Variants in WSCD2 observed in about 807,000 individuals in gnomAD.
WSCD2 encodes WSC domain sialate O sulfotransferase 2, also known as sialate:O-sulfotransferase 2.
In WSCD2, 28 loss-of-function variants were observed where a neutral mutation model predicts 55.7. That is an observed-to-expected ratio of 0.50 (90% CI 0.37 to 0.69). The LOEUF (loss-of-function observed/expected upper bound fraction) is 0.69. WSCD2 is among the 30% of genes least tolerant of loss of function. The pLI is 0.00. For missense variants in WSCD2, 616 were observed against 762.1 expected (o/e 0.81, Z 2.26); for synonymous variants, 301 against 301.9 (o/e 1.00, Z 0.03).
Position 108,219,842 on chromosome 12 carries a change from T to A in WSCD2, c.683-4897T>A, listed in dbSNP as rs576513878. ...CAACCCTCCAAGCTCTAGGATTTCA[T>A]GATGGTCCCTCAAATAAGATCCTGG... is the stretch of plus-strand genomic sequence containing the variant. On this transcript the variant is annotated intron_variant, in intron 4 of 8. Transcript: ENST00000547525. Among the ~76,000 whole-genome samples the A allele has an allele frequency of 1.8e-4, 28 of 152,330 alleles. No individual in the cohort carries two copies. In the South Asian group the frequency reaches 5.8e-3, roughly 32 times the overall value.
At chr12:108,151,183 C>T (rs1478151860) in intron 1 of WSCD2, among the ~76,000 whole-genome samples, 1 of 152,142 alleles carries the variant, frequency 6.6e-6, no homozygotes, top group Non-Finnish European at 1.5e-5. Context: ...CTTTCTCATC[C>T]TCAACCCTGT....
chr12:108,228,719 G>T (rs1272000909), intron 6 of WSCD2, among the ~76,000 whole-genome samples: 2 of 152,244 alleles, frequency 1.3e-5, no homozygotes, highest in Non-Finnish European at 2.9e-5. Flanking sequence ...CAAAAGTGCT[G>T]TATGAGCTAG....
chr12:108,137,030 G>A (rs1283479927), intron 1 of WSCD2, among the ~76,000 whole-genome samples: 1 of 152,176 alleles, frequency 6.6e-6, no homozygotes, highest in Non-Finnish European at 1.5e-5. Flanking sequence ...CTCTGGATTT[G>A]CAGGTTCATA....
At chr12:108,132,630 A>G (rs370498874) in intron 1 of WSCD2, among the ~76,000 whole-genome samples, 7 of 145,106 alleles carry the variant, frequency 4.8e-5, no homozygotes, top group Admixed American at 4.2e-4. Flanking sequence ...TATGTGAGTC[A>G]TGTGTGTCTG....
intron 2 of WSCD2, chr12:108,196,946 C>T (rs570078871): frequency 6.6e-6 from 1 of 152,394 alleles, no homozygotes; most frequent in African/African-American, 2.4e-5. Flanking sequence ...GAAGGGAAGA[C>T]ACTTGCCCAA....
At chr12:108,245,110 T>G (rs1044088660) in intron 8 of WSCD2, among the ~76,000 whole-genome samples, 1 of 152,200 alleles carries the variant, frequency 6.6e-6, no homozygotes, top group African/African-American at 2.4e-5. Context: ...GTGGGATTGC[T>G]GAATTGAATG....
chr12:108,182,813 C>A (rs1310786785), intron 1 of WSCD2, among the ~76,000 whole-genome samples: 1 of 152,080 alleles, frequency 6.6e-6, no homozygotes, highest in Non-Finnish European at 1.5e-5. Context: ...TAGCTTCCAG[C>A]ATAACTTTTT....
chr12:108,240,107 A>C (rs1052281968), intron 7 of WSCD2, among the ~76,000 whole-genome samples: 8 of 152,222 alleles, frequency 5.3e-5, no homozygotes, highest in African/African-American at 1.9e-4. Context: ...TGAATAATCT[A>C]ACTCTCAAAA....
At chr12:108,157,731 G>T (rs1878664654) in intron 1 of WSCD2, among the ~76,000 whole-genome samples, 1 of 152,146 alleles carries the variant, frequency 6.6e-6, no homozygotes, top group Non-Finnish European at 1.5e-5. Context: ...TCCTGCAGTT[G>T]TTCTTCCTCG....
intron 1 of WSCD2, among the ~76,000 whole-genome samples, chr12:108,190,459 G>A (rs971289330): frequency 6.6e-6 from 1 of 152,006 alleles, no homozygotes; most frequent in Non-Finnish European, 1.5e-5. Context: ...TTACAGAGAG[G>A]GAGTCAGCCC....
chr12:108,242,431 A>G (rs1889828153), intron 8 of WSCD2, among the ~76,000 whole-genome samples: 1 of 152,154 alleles, frequency 6.6e-6, no homozygotes, highest in African/African-American at 2.4e-5. Flanking sequence ...TGCAAATGGT[A>G]GTAGCCTGTC....
At position 108,210,074 on chromosome 12, in the gene WSCD2, G is replaced by T; in HGVS notation, c.498-47G>T. On this transcript the variant is annotated intron_variant, in intron 3 of 8. Transcript: ENST00000547525. This position sits in a 1 kb window ranked among gnomAD's most constrained non-coding sequence, Gnocchi z 4.3. ...CTCCATGTTGTGTCTCCCTGCCTCGGGGTCTCCATGGTGGCAGCTACCCTG... is the reference window on the plus strand; with the variant it reads ...CTCCATGTTGTGTCTCCCTGCCTCGTGGTCTCCATGGTGGCAGCTACCCTG... The T allele has an allele frequency of 6.2e-7, 1 of 1,612,656 alleles. No individual in the cohort carries two copies. The highest frequency in any genetic ancestry group is 1.1e-5 in the South Asian group (1 of 90,900).
chr12:108,216,570 C>G (rs2137127446), intron 4 of WSCD2, among the ~76,000 whole-genome samples: 1 of 152,318 alleles, frequency 6.6e-6, no homozygotes, highest in South Asian at 2.1e-4. Flanking sequence ...TCCCCCAATA[C>G]AGGGATGTGA....
rs757223096 is a variant in WSCD2 at position 108,248,354 on chromosome 12, CAG to C, written c.*12_*13del. The C allele has an allele frequency of 2.5e-6, 4 of 1,603,570 alleles. No homozygotes were observed. The highest frequency in any genetic ancestry group is 2.6e-6 in the Non-Finnish European group (3 of 1,172,760). On this transcript the variant is annotated 3_prime_UTR_variant, in exon 9 of 9. Coordinates refer to ENST00000547525, the MANE Select transcript of WSCD2 (RefSeq NM_014653.4). This position sits in a 1 kb window ranked among gnomAD's most constrained non-coding sequence, Gnocchi z 4.3. ...TACTACCCAAGATGATGCGTCCACACAGGGGGAGGGTAGACTGGGAGTCCTGA... is the reference window on the plus strand; with the variant it reads ...TACTACCCAAGATGATGCGTCCACACGGGGAGGGTAGACTGGGAGTCCTGA...
At chr12:108,139,342 T>C (rs2136873301) in intron 1 of WSCD2, among the ~76,000 whole-genome samples, 1 of 152,326 alleles carries the variant, frequency 6.6e-6, no homozygotes, top group Non-Finnish European at 1.5e-5. Context: ...TTCTTCTTGT[T>C]TCCATTTTTA....
Position 108,130,475 on chromosome 12 carries a change from G to GTGT in WSCD2, c.-552+549_-552+550insTGT, listed in dbSNP as rs1875374790. On this transcript the variant is annotated intron_variant, in intron 1 of 8. Transcript: ENST00000547525. ...GCAGATTTGCTTATGTCCATTCTGG[G>GTGT]GTGTGTGTGTGTGTGTGTGTGTGTG... Among the ~76,000 whole-genome samples, 5 of 134,512 alleles carry GTGT rather than the reference G, an allele frequency of 3.7e-5. No individual in the cohort carries two copies. The South Asian group carries it at 1.3e-3, about 34-fold the overall frequency. The allele number at this position is 134,512 out of a possible 152,430, so 88.2% of individuals were successfully genotyped here.
chr12:108,189,743 C>G (rs1384216299), intron 1 of WSCD2: 3 of 152,138 alleles, frequency 2.0e-5, no homozygotes, highest in Non-Finnish European at 4.4e-5. Context: ...AACAAACAGA[C>G]AAAAACTAGC....
Position 108,248,957 on chromosome 12 carries a change from C to T in WSCD2, c.*614C>T. On this transcript the variant is annotated 3_prime_UTR_variant, in exon 9 of 9. Coordinates refer to ENST00000547525, the MANE Select transcript of WSCD2 (RefSeq NM_014653.4). The surrounding 1 kb of genome is among the most constrained non-coding windows in gnomAD (Gnocchi z 4.3). Reference sequence around the variant, plus strand: ...GCTCACAGTAGGTTAATTGGAGACACCATGTGGGGCCATTGGTGTTATGAG... The same window carrying T: ...GCTCACAGTAGGTTAATTGGAGACATCATGTGGGGCCATTGGTGTTATGAG... 2 of 974,768 alleles carry T rather than the reference C, an allele frequency of 2.1e-6. No homozygotes were observed. Among genetic ancestry groups the T allele is most frequent in the Non-Finnish European group, 2.4e-6 (2 of 819,770 alleles). The allele number at this position is 974,768 out of a possible 1,614,324, so 60.4% of individuals were successfully genotyped here.
At chr12:108,241,314 C>A (rs1005691839) in intron 8 of WSCD2, among the ~76,000 whole-genome samples, 1 of 152,080 alleles carries the variant, frequency 6.6e-6, no homozygotes, top group Non-Finnish European at 1.5e-5. Flanking sequence ...GAGCAGCCAC[C>A]CAGGGCAGTG....
Sources: gnomAD v4.1 joint callset for allele counts (sites outside exome capture counted in the v4.1 genomes callset) on GRCh38, gnomAD v4.1.1 for gene constraint, Gnocchi (gnomAD v3.1) non-coding constraint, MANE v1.5 for transcripts, NCBI Gene and HGNC (gene_info 2026-07-23, HGNC 2026-07-21) for gene names.